Variants in SLC43A2 observed in about 807,000 individuals in gnomAD.
The protein encoded by SLC43A2 is solute carrier family 43 member 2, also known as large neutral amino acids transporter small subunit 4.
A neutral mutation model predicts 63.2 loss-of-function variants in SLC43A2; 38 were observed. The observed-to-expected ratio is 0.60, with a 90% CI of 0.46 to 0.79. The LOEUF is 0.79. Among genes scored for constraint, SLC43A2 ranks in the 30% least tolerant of loss-of-function variants. The pLI is 0.00. For missense variants in SLC43A2, 644 were observed against 756.2 expected, an observed-to-expected ratio of 0.85 and a Z score of 1.74; for synonymous variants, 322 against 331.0, an observed-to-expected ratio of 0.97 and a Z score of 0.30.
In SLC43A2 at chr17:1,578,416, G is replaced by A. The variant is rs1182260519; in HGVS notation, c.1351-93C>T. The A allele has an allele frequency of 1.6e-6, 2 of 1,222,888 alleles. No homozygotes were observed. The highest frequency in any genetic ancestry group is 3.0e-5 in the African/African-American group (2 of 66,552). 75.8% of individuals were successfully genotyped at this position (1,222,888 alleles called of 1,614,324 possible). A position where few individuals can be genotyped will look rare whatever the true frequency, so the allele number is the denominator to read the frequency against. On this transcript the variant is annotated intron_variant, in intron 11 of 13. Transcript: ENST00000301335. The surrounding 1 kb of genome is among the most constrained non-coding windows in gnomAD (Gnocchi z 6.5). ...AATTCCTGGGGGCCCTCACCCCAGGGGCAGTGTCAGCCTGGAGTTGGATCA... is the reference window on the plus strand; with the variant it reads ...AATTCCTGGGGGCCCTCACCCCAGGAGCAGTGTCAGCCTGGAGTTGGATCA...
chr17:1,591,565 C>T lies in SLC43A2; in HGVS notation c.728+1G>A, dbSNP rs973476876. The T allele has an allele frequency of 1.3e-5, 20 of 1,553,564 alleles. No individual in the cohort carries two copies. Among genetic ancestry groups the T allele is most frequent in the Middle Eastern group, 2.0e-4 (1 of 4,944 alleles). ...GGCGGGACGGGGGCACCTCTACTTA[C>T]GAGTAGTCCATGTCCTCCGGCCCCG... On this transcript the variant is annotated splice_donor_variant, in intron 7 of 13. Coordinates refer to ENST00000301335, the MANE Select transcript of SLC43A2 (RefSeq NM_152346.3). LOFTEE classifies it high-confidence loss of function.
At chr17:1,592,529 CCCA>C (rs1231163489) in intron 6 of SLC43A2, among the ~76,000 whole-genome samples, 1 of 152,204 alleles carries the variant, frequency 6.6e-6, no homozygotes, top group Non-Finnish European at 1.5e-5. Context: ...AGTCCCAGCT[CCCA>C]CCACTTCAAT....
chr17:1,586,556 G>A (rs571179075), intron 9 of SLC43A2, among the ~76,000 whole-genome samples: 30 of 152,100 alleles, frequency 2.0e-4, no homozygotes, highest in African/African-American at 5.5e-4. Context: ...CTAGCTGGGC[G>A]TGGTGGCAGG....
Position 1,627,718 on chromosome 17 carries a change from G to T in SLC43A2, c.157C>A (p.Pro53Thr). The change falls in exon 2 of 14, where the codon CCA (proline) becomes ACA (threonine). Residue 53 changes from proline to threonine, a missense_variant. Coordinates refer to ENST00000301335, the MANE Select transcript of SLC43A2 (RefSeq NM_152346.3). ...EGFYSYLCTE[P>T]ENVTNGTVGG... ...CAACCCCAGGCGCTTGTCTCACCTG[G>T]CTCGGTACACAGGTAGGAGTAAAAG... The T allele has an allele frequency of 6.4e-7, 1 of 1,557,634 alleles. No individual in the cohort carries two copies.
rs1038945760 is a variant in SLC43A2, at chr17:1,593,094, C to T, written c.594+93G>A. 7 of 1,233,684 alleles carry T rather than the reference C, an allele frequency of 5.7e-6. No individual in the cohort carries two copies. The highest frequency in any genetic ancestry group is 3.0e-5 in the African/African-American group (2 of 67,110). 76.4% of individuals were successfully genotyped at this position (1,233,684 alleles called of 1,614,324 possible). ...TGGGGGTGGTGGAGAGGGGCCACCC[C>T]GGGTGCCCACAATTGCCTCCCTCTT... On this transcript the variant is annotated intron_variant, in intron 6 of 13. Coordinates refer to ENST00000301335, the MANE Select transcript of SLC43A2 (RefSeq NM_152346.3). This position sits in a 1 kb window ranked among gnomAD's most constrained non-coding sequence, Gnocchi z 5.3.
chr17:1,578,432 A>G lies in SLC43A2; in HGVS notation c.1351-109T>C. On this transcript the variant is annotated intron_variant, in intron 11 of 13. Transcript: ENST00000301335. This position sits in a 1 kb window ranked among gnomAD's most constrained non-coding sequence, Gnocchi z 6.5. The stretch of plus-strand genomic sequence containing the variant: ...CACCCCAGGGGCAGTGTCAGCCTGG[A>G]GTTGGATCAACCCCATCCTCCGGAG... The G allele has an allele frequency of 3.8e-6, 4 of 1,040,616 alleles. No individual in the cohort carries two copies. Among genetic ancestry groups the G allele is most frequent in the Non-Finnish European group, 5.6e-6 (4 of 712,776 alleles). The allele number at this position is 1,040,616 out of a possible 1,614,324, so 64.5% of individuals were successfully genotyped here.
chr17:1,603,082 G>C (rs1454411239), intron 5 of SLC43A2: 1 of 152,014 alleles, frequency 6.6e-6, no homozygotes, highest in East Asian at 1.9e-4. Flanking sequence ...ATCATAAATA[G>C]GGTAGGTATT....
chr17:1,582,454 ACT>A (rs376944690), intron 11 of SLC43A2, among the ~76,000 whole-genome samples: 2 of 152,218 alleles, frequency 1.3e-5, no homozygotes, highest in African/African-American at 4.8e-5. Context: ...ACCCCGTGAG[ACT>A]CTGGTGACAG....
intron 9 of SLC43A2, chr17:1,586,928 T>TCCCCCCCCCCCCCCCCCCCCCCCCGGCCC: frequency 4.9e-6 from 6 of 1,232,910 alleles, no homozygotes; most frequent in South Asian, 2.6e-5. Context: ...TCCCTGACAA[T>TCCCCCCCCCCCCCCCCCCCCCCCCGGCCC]CCCCCCCACC....
intron 9 of SLC43A2, 121 bp from the exon 10 acceptor site, chr17:1,586,172 C>A: frequency 7.1e-7 from 1 of 1,413,744 alleles, no homozygotes; most frequent in Non-Finnish European, 9.3e-7. Context: ...CCAGAACCCC[C>A]TGTCACTATG....
chr17:1,599,912 C>T (rs1340284591), intron 5 of SLC43A2, among the ~76,000 whole-genome samples: 13 of 148,720 alleles, frequency 8.7e-5, no homozygotes, highest in South Asian at 4.3e-4. Flanking sequence ...GGCGTGGTGG[C>T]GGGCGCCTGT....
At position 1,586,100 on chromosome 17, in the gene SLC43A2, G is replaced by A. The variant is rs1192221925; in HGVS notation, c.1079-49C>T. 5 of 1,527,846 alleles carry A rather than the reference G, an allele frequency of 3.3e-6. No individual in the cohort carries two copies. In the East Asian group the frequency reaches 9.8e-5, roughly 30 times the overall value. The allele number at this position is 1,527,846 out of a possible 1,614,324, so 94.6% of individuals were successfully genotyped here. ...TGGGGACGCCTGGCAGACAGCCCTG[G>A]AGCAGGGACTGGGCACCAGCTGGGA... On this transcript the variant is annotated intron_variant, in intron 9 of 13. Coordinates refer to ENST00000301335, the MANE Select transcript of SLC43A2 (RefSeq NM_152346.3).
At chr17:1,584,861 T>C (rs1433547200) in intron 10 of SLC43A2, among the ~76,000 whole-genome samples, 6 of 152,016 alleles carry the variant, frequency 3.9e-5, no homozygotes, top group African/African-American at 7.2e-5. Context: ...AGCGTTTAAC[T>C]CATCCTCTGA....
In SLC43A2 at chr17:1,572,956, T is replaced by G. The variant is rs2075868391; in HGVS notation, c.*2648A>C. 6.6e-6 allele frequency: 1 copy of G among 152,088 alleles called. No homozygotes were observed. Among genetic ancestry groups the G allele is most frequent in the Non-Finnish European group, 1.5e-5 (1 of 68,040 alleles). 9.4% of individuals were successfully genotyped at this position (152,088 alleles called of 1,614,324 possible). On this transcript the variant is annotated 3_prime_UTR_variant, in exon 14 of 14. Coordinates refer to ENST00000301335, the MANE Select transcript of SLC43A2 (RefSeq NM_152346.3). ...GGGAGGCTGAGGTGGGAGAATTGCTTCAGCCCAGGAGTTCCAGACCAGCCT... is the reference window on the plus strand; with the variant it reads ...GGGAGGCTGAGGTGGGAGAATTGCTGCAGCCCAGGAGTTCCAGACCAGCCT...
rs111564570 is a variant in SLC43A2, at chr17:1,605,733, G to A, written c.501+7462C>T. On this transcript the variant is annotated intron_variant, in intron 5 of 13. Coordinates refer to ENST00000301335, the MANE Select transcript of SLC43A2 (RefSeq NM_152346.3). This position sits in a 1 kb window ranked among gnomAD's most constrained non-coding sequence, Gnocchi z 4.9. ...TACAACCTGCACAGGCCGGGATCCC[G>A]GAACCAGACTGCACAGGTAGACTCT... Among the ~76,000 whole-genome samples the A allele has an allele frequency of 9.2e-5, 14 of 152,258 alleles. No individual in the cohort carries two copies. The South Asian group carries it at 1.5e-3, about 16-fold the overall frequency.
rs902824988 is a variant in SLC43A2, at chr17:1,600,103, T to C, written c.502-6824A>G. 1.7e-3 allele frequency among the ~76,000 whole-genome samples: 239 copies of C among 141,032 alleles called. 1 individual carries two copies. The highest frequency in any genetic ancestry group is 7.2e-3 in the Middle Eastern group (2 of 276). The allele number at this position is 141,032 out of a possible 152,430, so 92.5% of individuals were successfully genotyped here. ...TTCTATGGGGATGTTAATCTTTCTT[T>C]TTTTTTTTTACAGTAAGCTATATAT... is the stretch of plus-strand genomic sequence containing the variant. On this transcript the variant is annotated intron_variant, in intron 5 of 13. Transcript: ENST00000301335.
upstream of SLC43A2, among the ~76,000 whole-genome samples, chr17:1,629,743 C>T (rs1909009465): frequency 1.3e-5 from 2 of 152,196 alleles, no homozygotes; most frequent in African/African-American, 4.8e-5. Flanking sequence ...CTCTGCAGGG[C>T]GATGCTACGG....
At chr17:1,615,649 C>A (rs1050413228) in intron 3 of SLC43A2, among the ~76,000 whole-genome samples, 2 of 150,170 alleles carry the variant, frequency 1.3e-5, no homozygotes, top group Non-Finnish European at 3.0e-5. Flanking sequence ...CGAGACCATC[C>A]TGGCTAACAC....
chr17:1,600,152 A>ATATATATTTT (rs1216616243), intron 5 of SLC43A2, among the ~76,000 whole-genome samples: 5 of 60,276 alleles, frequency 8.3e-5, no homozygotes, highest in Admixed American at 6.6e-4. Flanking sequence ...ATATATATAT[A>ATATATATTTT]TTTTTTTTTT....
Sources: allele counts gnomAD v4.1 joint callset (sites outside exome capture counted in the v4.1 genomes callset), GRCh38; gene constraint gnomAD v4.1.1; non-coding constraint Gnocchi (gnomAD v3.1); transcripts MANE v1.5; gene names NCBI Gene and HGNC (gene_info 2026-07-23, HGNC 2026-07-21).